ZNF609: variants seen among roughly 807,000 people sequenced by gnomAD.
ZNF609 encodes the protein zinc finger protein 609.
In ZNF609, 11 loss-of-function variants were observed where a neutral mutation model predicts 109.5. That is an observed-to-expected ratio of 0.10 (90% CI 0.06 to 0.17). ZNF609 has a LOEUF of 0.17. Ranked by LOEUF, ZNF609 falls within the 10% of genes least tolerant of loss-of-function variation. The pLI, the probability that ZNF609 is intolerant of heterozygous loss-of-function variation, is 1.00. For missense variants in ZNF609, 1,559 were observed against 1,772.4 expected, an observed-to-expected ratio of 0.88 and a Z score of 2.16; for synonymous variants, 646 against 662.0, an observed-to-expected ratio of 0.98 and a Z score of 0.37.
intron 1 of ZNF609, among the ~76,000 whole-genome samples, chr15:64,487,620 GTTGT>G (rs1201641952): frequency 6.7e-6 from 1 of 149,494 alleles, no homozygotes; most frequent in Admixed American, 6.7e-5. Context: ...TTTTTTTTTT[GTTGT>G]TTGTTTTTTG....
intron 3 of ZNF609, among the ~76,000 whole-genome samples, chr15:64,650,778 T>C (rs1896405433): frequency 6.6e-6 from 1 of 152,004 alleles, no homozygotes; most frequent in Non-Finnish European, 1.5e-5. Flanking sequence ...CAAAAGAGTC[T>C]GTAGAACTTT....
intron 2 of ZNF609, among the ~76,000 whole-genome samples, chr15:64,504,383 T>G (rs1295801300): frequency 6.6e-6 from 1 of 152,224 alleles, no homozygotes; most frequent in African/African-American, 2.4e-5. Flanking sequence ...AGACACCAAA[T>G]TCTTATGGCA....
At chr15:64,483,018 T>A (rs1424750297) in intron 1 of ZNF609, among the ~76,000 whole-genome samples, 1 of 152,170 alleles carries the variant, frequency 6.6e-6, no homozygotes, top group East Asian at 1.9e-4. Flanking sequence ...ATAGTCTTTT[T>A]ATGTAAAGTA....
Position 64,680,867 on chromosome 15 carries a change from G to A in ZNF609, c.4162+5G>A. 6.2e-7 allele frequency: 1 copy of A among 1,607,222 alleles called. No homozygotes were observed. The highest frequency in any genetic ancestry group is 1.1e-5 in the South Asian group (1 of 91,062). The stretch of plus-strand genomic sequence containing the variant: ...ACAACTTACCCTATGCAGCAGGTAA[G>A]CCTGTTTTCCCTACCACCTGTTGTT... On this transcript the variant is annotated splice_donor_5th_base_variant and intron_variant, in intron 8 of 9. Coordinates refer to ENST00000326648, the MANE Select transcript of ZNF609 (RefSeq NM_015042.2).
chr15:64,641,084 C>T (rs1348646972), intron 3 of ZNF609, among the ~76,000 whole-genome samples: 1 of 152,218 alleles, frequency 6.6e-6, no homozygotes, highest in East Asian at 1.9e-4. Context: ...GAATGCTCTT[C>T]AAATTGACAC....
rs2083226151 is a variant in ZNF609 at position 64,683,909 on chromosome 15, C to T, written c.*2223C>T. ...TGCCCTTTCCACTCATTCTGTAACA[C>T]AGAGGACGAACTTCTGTATTAGCTG... On this transcript the variant is annotated 3_prime_UTR_variant, in exon 10 of 10. Coordinates refer to ENST00000326648, the MANE Select transcript of ZNF609 (RefSeq NM_015042.2). 6.6e-6 allele frequency: 1 copy of T among 152,264 alleles called. No individual in the cohort carries two copies. The highest frequency in any genetic ancestry group is 2.4e-5 in the African/African-American group (1 of 41,468). 9.4% of individuals were successfully genotyped at this position (152,264 alleles called of 1,614,324 possible).
intron 2 of ZNF609, among the ~76,000 whole-genome samples, chr15:64,543,840 G>T (rs1268710532): frequency 6.6e-6 from 1 of 152,126 alleles, no homozygotes; most frequent in Admixed American, 6.5e-5. Context: ...ATATATGTTT[G>T]TGTCATAGTA....
chr15:64,674,511 G>A lies in ZNF609; in HGVS notation c.1657G>A (p.Val553Ile), dbSNP rs750782797. 3.0e-5 allele frequency: 48 copies of A among 1,614,024 alleles called. No individual in the cohort carries two copies. Among genetic ancestry groups the A allele is most frequent in the Non-Finnish European group, 3.7e-5 (44 of 1,180,034 alleles). The stretch of plus-strand genomic sequence containing the variant: ...TCTTGGGAGCTGCAACGGTGCATCT[G>A]TCTCACAAAAAGGTTCCTTGTCCCC... ...ADLGSCNGAS[V>I]SQKGSLSPAR... The change falls in exon 5 of 10, where the codon GTC becomes ATC. Residue 553 changes from valine (V) to isoleucine (I), a missense_variant. Around this residue, in one of 4 missense-constraint regions of ZNF609, gnomAD observed 1,204 missense variants for 1,314.1 expected, o/e 0.92. Coordinates refer to ENST00000326648, the MANE Select transcript of ZNF609 (RefSeq NM_015042.2).
intron 2 of ZNF609, chr15:64,529,397 G>T: frequency 5.3e-6 from 4 of 751,534 alleles, no homozygotes; most frequent in Non-Finnish European, 9.6e-6. Flanking sequence ...CGTACTCAGC[G>T]CCAGCATCAC....
At chr15:64,678,686 CCT>C (rs1313950611) in intron 6 of ZNF609, among the ~76,000 whole-genome samples, 1 of 152,210 alleles carries the variant, frequency 6.6e-6, no homozygotes, top group Non-Finnish European at 1.5e-5. Flanking sequence ...TGTGTGACTA[CCT>C]CTCTCTCCCT....
chr15:64,577,025 T>TATATATGTATATATACACATAA (rs1894979031), intron 2 of ZNF609, among the ~76,000 whole-genome samples: 3 of 42,254 alleles, frequency 7.1e-5, no homozygotes, highest in East Asian at 7.3e-4. Context: ...TACACATAAA[T>TATATATGTATATATACACATAA]ATATATATGT....
intron 2 of ZNF609, among the ~76,000 whole-genome samples, chr15:64,621,946 G>A (rs1181114086): frequency 1.3e-5 from 2 of 151,752 alleles, no homozygotes; most frequent in African/African-American, 2.4e-5. Context: ...GGCTGGTCTC[G>A]AACTCCTGAC....
At chr15:64,586,326 CAA>C (rs1206630683) in intron 2 of ZNF609, among the ~76,000 whole-genome samples, 34 of 92,728 alleles carry the variant, frequency 3.7e-4, no homozygotes, top group Non-Finnish European at 2.7e-4. Flanking sequence ...AACTCGGTCT[CAA>C]AAAAAAAAAA....
chr15:64,463,837 A>T (rs1488200265), intron 1 of ZNF609, among the ~76,000 whole-genome samples: 3 of 152,254 alleles, frequency 2.0e-5, no homozygotes, highest in African/African-American at 7.2e-5. Flanking sequence ...AGCCTCAGCT[A>T]AACTGAGTCC....
chr15:64,531,572 T>C (rs1894064282), intron 2 of ZNF609, among the ~76,000 whole-genome samples: 1 of 152,042 alleles, frequency 6.6e-6, no homozygotes, highest in South Asian at 2.1e-4. Context: ...TAATTTTTTA[T>C]ATTTTTTGTG....
intron 1 of ZNF609, among the ~76,000 whole-genome samples, chr15:64,481,641 A>G (rs1200988048): frequency 1.3e-5 from 2 of 152,124 alleles, no homozygotes; most frequent in Non-Finnish European, 2.9e-5. Flanking sequence ...AGAAGAAGGC[A>G]TTTCTAAAAT....
At chr15:64,475,241 C>T (rs1485602270) in intron 1 of ZNF609, among the ~76,000 whole-genome samples, 1 of 151,562 alleles carries the variant, frequency 6.6e-6, no homozygotes, top group Non-Finnish European at 1.5e-5. Context: ...CCAAATCTAA[C>T]CATTCCTTCA....
intron 1 of ZNF609, among the ~76,000 whole-genome samples, chr15:64,493,247 CT>C (rs1893438978): frequency 6.6e-6 from 1 of 152,104 alleles, no homozygotes; most frequent in Admixed American, 6.6e-5. Context: ...GGTCCAGTTG[CT>C]GTTTTTGCCC....
chr15:64,495,662 G>A (rs1310031536), intron 1 of ZNF609, among the ~76,000 whole-genome samples: 5 of 151,670 alleles, frequency 3.3e-5, no homozygotes, highest in Admixed American at 1.3e-4. Flanking sequence ...TGGGCCTCCA[G>A]GTGGAGGCCC....
Sources: allele counts gnomAD v4.1 joint callset (sites outside exome capture counted in the v4.1 genomes callset), GRCh38; gene constraint gnomAD v4.1.1; regional missense constraint gnomAD v4.1.1; transcripts MANE v1.5; gene names NCBI Gene and HGNC (gene_info 2026-07-23, HGNC 2026-07-21).